ATXN1: variants seen among roughly 807,000 people sequenced by gnomAD.
ATXN1 encodes the protein ataxin-1.
ATXN1 carries 8 observed loss-of-function variants against 56.4 expected under a neutral mutation model. That is an observed-to-expected ratio of 0.14 (90% CI 0.08 to 0.26). The LOEUF (loss-of-function observed/expected upper bound fraction) is 0.26. Ranked by LOEUF, ATXN1 falls within the 10% of genes least tolerant of loss-of-function variation. ATXN1 has a pLI of 1.00. For synonymous variants in ATXN1, 514 were observed against 494.6 expected, an observed-to-expected ratio of 1.04 and a Z score of -0.52; for missense variants, 987 against 1,106.5, an observed-to-expected ratio of 0.89 and a Z score of 1.53.
chr6:16,594,158 A>ATG, intron 3 of ATXN1, among the ~76,000 whole-genome samples: 1 of 11,566 alleles, frequency 8.6e-5, no homozygotes, highest in Non-Finnish European at 2.5e-4. Flanking sequence ...TATTAGACTA[A>ATG]TATATATATA....
At chr6:16,551,233 G>A (rs1761915294) in intron 4 of ATXN1, among the ~76,000 whole-genome samples, 1 of 152,178 alleles carries the variant, frequency 6.6e-6, no homozygotes, top group South Asian at 2.1e-4. Flanking sequence ...GTCTAGACGG[G>A]CTCCCATATC....
At chr6:16,383,271 C>T (rs192942080) in intron 6 of ATXN1, among the ~76,000 whole-genome samples, 2 of 152,262 alleles carry the variant, frequency 1.3e-5, no homozygotes, top group East Asian at 3.9e-4. Flanking sequence ...ATTCATGGAA[C>T]ATTTTATATT....
At chr6:16,608,185 T>G (rs1252283850) in intron 3 of ATXN1, among the ~76,000 whole-genome samples, 1 of 152,208 alleles carries the variant, frequency 6.6e-6, no homozygotes, top group African/African-American at 2.4e-5. Flanking sequence ...GACTTGGATG[T>G]TCTGCCAAGC....
At chr6:16,672,018 T>A (rs1021470673) in intron 2 of ATXN1, among the ~76,000 whole-genome samples, 1 of 152,236 alleles carries the variant, frequency 6.6e-6, no homozygotes, top group Non-Finnish European at 1.5e-5. Context: ...ACCTTTTATG[T>A]TAAATGAATC....
At chr6:16,451,495 C>A (rs1053849061) in intron 6 of ATXN1, among the ~76,000 whole-genome samples, 3 of 152,020 alleles carry the variant, frequency 2.0e-5, no homozygotes, top group African/African-American at 7.3e-5. Flanking sequence ...GTGCCTCATG[C>A]CTGTAATCCC....
chr6:16,595,977 G>C (rs1323791117), intron 3 of ATXN1, among the ~76,000 whole-genome samples: 1 of 152,084 alleles, frequency 6.6e-6, no homozygotes, highest in Admixed American at 6.6e-5. Context: ...CTTCGTCAAG[G>C]AAGCTTTTGC....
At chr6:16,439,044 T>C (rs1561895944) in intron 6 of ATXN1, among the ~76,000 whole-genome samples, 2 of 152,006 alleles carry the variant, frequency 1.3e-5, no homozygotes, top group Non-Finnish European at 2.9e-5. Flanking sequence ...TTACTGAATT[T>C]CTCAGATTCT....
At chr6:16,348,698 A>G (rs78968436) in intron 6 of ATXN1, among the ~76,000 whole-genome samples, 4 of 145,686 alleles carry the variant, frequency 2.7e-5, no homozygotes, top group African/African-American at 5.0e-5. Context: ...TCTGCCTTAG[A>G]AAAAAAAAAA....
chr6:16,301,709 C>T lies in ATXN1; in HGVS notation c.*4620G>A, dbSNP rs1274940846. On this transcript the variant is annotated 3_prime_UTR_variant, in exon 8 of 8. Coordinates refer to ENST00000436367, the MANE Select transcript of ATXN1 (RefSeq NM_001128164.2). ...GTGCAAATTGAAGTGCAAAGGGTTT[C>T]AGAAGGCAACAGACCAGTCTGTTGA... 6.6e-6 allele frequency: 1 copy of T among 152,402 alleles called. No homozygotes were observed. Among genetic ancestry groups the T allele is most frequent in the Non-Finnish European group, 1.5e-5 (1 of 68,024 alleles). 9.4% of individuals were successfully genotyped at this position (152,402 alleles called of 1,614,324 possible).
At chr6:16,573,110 T>A (rs533940419) in intron 4 of ATXN1, among the ~76,000 whole-genome samples, 1 of 152,320 alleles carries the variant, frequency 6.6e-6, no homozygotes, top group East Asian at 1.9e-4. Flanking sequence ...TTAAGTAGGC[T>A]GACCTGGCCA....
intron 3 of ATXN1, among the ~76,000 whole-genome samples, chr6:16,624,021 G>A (rs750001424): frequency 8.5e-5 from 13 of 152,294 alleles, no homozygotes; most frequent in Admixed American, 2.0e-4. Flanking sequence ...AAGAAGAGTT[G>A]CTATTTAATG....
chr6:16,530,012 T>C (rs1761472146), intron 4 of ATXN1, among the ~76,000 whole-genome samples: 1 of 152,182 alleles, frequency 6.6e-6, no homozygotes, highest in Non-Finnish European at 1.5e-5. Flanking sequence ...GTCACCAGCA[T>C]TTCAAAGAGC....
chr6:16,457,435 C>T (rs1759899900), intron 6 of ATXN1, among the ~76,000 whole-genome samples: 1 of 151,488 alleles, frequency 6.6e-6, no homozygotes, highest in Non-Finnish European at 1.5e-5. Context: ...TGGGAAACAC[C>T]CAGGCATCAA....
At chr6:16,692,870 C>T (rs1271428310) in intron 2 of ATXN1, among the ~76,000 whole-genome samples, 1 of 152,144 alleles carries the variant, frequency 6.6e-6, no homozygotes, top group Non-Finnish European at 1.5e-5. Flanking sequence ...AGAACGAGCC[C>T]AGACCTCCCA....
chr6:16,484,467 T>C (rs1760500922), intron 6 of ATXN1, among the ~76,000 whole-genome samples: 1 of 152,056 alleles, frequency 6.6e-6, no homozygotes, highest in Admixed American at 6.6e-5. Context: ...TAAGGTAGTA[T>C]GAAGCAATAC....
intron 4 of ATXN1, among the ~76,000 whole-genome samples, chr6:16,566,736 A>G (rs1246138628): frequency 2.0e-5 from 3 of 152,106 alleles, no homozygotes; most frequent in Admixed American, 1.3e-4. Context: ...GGTTCCTGTA[A>G]TCTCAGCTAC....
At chr6:16,707,902 C>A (rs1017144718) in intron 2 of ATXN1, among the ~76,000 whole-genome samples, 4 of 151,786 alleles carry the variant, frequency 2.6e-5, no homozygotes, top group Non-Finnish European at 5.9e-5. Context: ...AGGAAGAAAG[C>A]AAAACAAAAC....
chr6:16,528,663 T>C (rs758250258), intron 4 of ATXN1, among the ~76,000 whole-genome samples: 1 of 152,220 alleles, frequency 6.6e-6, no homozygotes, highest in Non-Finnish European at 1.5e-5. Context: ...CATTTTTATC[T>C]ATTATCTTTA....
chr6:16,701,557 A>G (rs1581377172), intron 2 of ATXN1, among the ~76,000 whole-genome samples: 2 of 152,240 alleles, frequency 1.3e-5, no homozygotes, highest in Non-Finnish European at 2.9e-5. Context: ...CCCTGTTTGC[A>G]GATGACATGA....
Sources: allele counts gnomAD v4.1 joint callset (sites outside exome capture counted in the v4.1 genomes callset), GRCh38; gene constraint gnomAD v4.1.1; transcripts MANE v1.5; gene names NCBI Gene and HGNC (gene_info 2026-07-23, HGNC 2026-07-21).